DCTN6: variants seen among roughly 807,000 people sequenced by gnomAD.
DCTN6 encodes dynactin 6.
A neutral mutation model predicts 25.8 loss-of-function variants in DCTN6; 15 were observed. The observed-to-expected ratio is 0.58, with a 90% CI of 0.39 to 0.89. The LOEUF (loss-of-function observed/expected upper bound fraction) is 0.89. Ranked by LOEUF, DCTN6 falls within the 40% of genes least tolerant of loss-of-function variation. The pLI is 0.00. For synonymous variants in DCTN6, 64 were observed against 78.3 expected, an observed-to-expected ratio of 0.82 and a Z score of 0.96; for missense variants, 198 against 237.6, an observed-to-expected ratio of 0.83 and a Z score of 1.09.
chr8:30,156,478 G>A, intron 1 of DCTN6, 72 bp downstream of exon 1: 1 of 1,514,620 alleles, frequency 6.6e-7, no homozygotes, highest in East Asian at 2.4e-5. Context: ...GGTCGCCAAT[G>A]GTGGCGACTC....
chr8:30,173,532 A>C (rs566654212), intron 2 of DCTN6, among the ~76,000 whole-genome samples: 6 of 152,066 alleles, frequency 3.9e-5, no homozygotes, highest in Non-Finnish European at 8.8e-5. Flanking sequence ...CTTGAGGCCA[A>C]GTGTTCAAGA....
At chr8:30,182,982 G>C in intron 6 of DCTN6, 93 bp from the exon 7 acceptor site, 1 of 999,380 alleles carries the variant, frequency 1.0e-6, no homozygotes, top group East Asian at 2.5e-5. Flanking sequence ...CCAAAGTGCT[G>C]AGATTACAGG....
chr8:30,174,990 C>A, intron 2 of DCTN6, 95 bp from the exon 3 acceptor site: 2 of 1,111,062 alleles, frequency 1.8e-6, no homozygotes, highest in Non-Finnish European at 2.6e-6. Context: ...AGAAAATGTT[C>A]CTCCCAACAG....
At position 30,172,156 on chromosome 8, in the gene DCTN6, T is replaced by C. The variant is rs542738222; in HGVS notation, c.89-2929T>C. 5.3e-5 allele frequency among the ~76,000 whole-genome samples: 8 copies of C among 152,288 alleles called. No homozygotes were observed. In the East Asian group the frequency reaches 1.5e-3, roughly 29 times the overall value. ...CTTTAAAAGAAATCCACTGCTCATT[T>C]CCCTGTTGTTTAGGATCACAGCCCC... On this transcript the variant is annotated intron_variant, in intron 2 of 6. Coordinates refer to ENST00000221114, the MANE Select transcript of DCTN6 (RefSeq NM_006571.4).
At position 30,175,172 on chromosome 8, in the gene DCTN6, A is replaced by G. The variant is rs773706036; in HGVS notation, c.176A>G (p.Gln59Arg). ...VIGEGNLIEE[Q>R]ALIINAYPDN... ...GGCGAAGGGAACCTAATAGAAGAAC[A>G]GGCCCTTATCATAAATGCGTAAGAC... The change falls in exon 3 of 7, where the codon CAG (glutamine) becomes CGG (arginine). Residue 59 changes from glutamine (Q) to arginine (R), a missense_variant. Coordinates refer to ENST00000221114, the MANE Select transcript of DCTN6 (RefSeq NM_006571.4). 3.7e-6 allele frequency: 6 copies of G among 1,613,880 alleles called. No homozygotes were observed. In the East Asian group the frequency reaches 1.3e-4, roughly 36 times the overall value.
chr8:30,163,660 A>T, intron 1 of DCTN6, among the ~76,000 whole-genome samples: 1 of 152,068 alleles, frequency 6.6e-6, no homozygotes, highest in East Asian at 1.9e-4. Context: ...TAATGTATTA[A>T]AACCTTACCC....
chr8:30,158,047 A>G (rs1272958062), intron 1 of DCTN6, among the ~76,000 whole-genome samples: 4 of 151,874 alleles, frequency 2.6e-5, no homozygotes, highest in African/African-American at 9.7e-5. Context: ...CCACTCCGAG[A>G]TACAAGGGGT....
intron 1 of DCTN6, 21 bp from the exon 2 acceptor site, chr8:30,164,090 G>A (rs1398751932): frequency 1.2e-6 from 2 of 1,606,294 alleles, no homozygotes; most frequent in East Asian, 2.2e-5. Flanking sequence ...CCTGGTAAAT[G>A]TTACCTTTTT....
chr8:30,171,395 G>A (rs928752845), intron 2 of DCTN6, among the ~76,000 whole-genome samples: 2 of 152,022 alleles, frequency 1.3e-5, no homozygotes, highest in African/African-American at 4.8e-5. Flanking sequence ...GACCACAGGT[G>A]CACCCCACCA....
Position 30,156,415 on chromosome 8 carries a change from G to C in DCTN6, c.23+9G>C, listed in dbSNP as rs748106898. The C allele has an allele frequency of 3.7e-5, 59 of 1,602,234 alleles. No individual in the cohort carries two copies. Among genetic ancestry groups the C allele is most frequent in the Middle Eastern group, 1.7e-4 (1 of 6,046 alleles). On this transcript the variant is annotated intron_variant, in intron 1 of 6. Transcript: ENST00000221114. Reference sequence around the variant, plus strand: ...GAGAAGACTCAAAAGAGGTGGGTTTGCTGCTTGAGAAAAGCCTTTTCTCAG... The same window carrying C: ...GAGAAGACTCAAAAGAGGTGGGTTTCCTGCTTGAGAAAAGCCTTTTCTCAG...
At chr8:30,175,033 T>C (rs1803812219) in intron 2 of DCTN6, 52 bp from the exon 3 acceptor site, 2 of 1,548,766 alleles carry the variant, frequency 1.3e-6, no homozygotes, top group South Asian at 1.1e-5. Flanking sequence ...TCCACCCTTC[T>C]GTTGGAAGCA....
Position 30,175,188 on chromosome 8 carries a change from T to C in DCTN6, c.192T>C (p.Asn64=). Residue 64 remains asparagine, a splice_region_variant and synonymous_variant, in exon 3 of 7, where the codon AAT becomes AAC. Transcript: ENST00000221114. ...NLIEEQALII[N]AYPDNITPDT... is the part of the protein sequence containing the mutation. The stretch of plus-strand genomic sequence containing the variant: ...TAGAAGAACAGGCCCTTATCATAAA[T>C]GCGTAAGACTCTTATACATACTGTG... The C allele has an allele frequency of 6.2e-7, 1 of 1,612,984 alleles. No homozygotes were observed. Among genetic ancestry groups the C allele is most frequent in the Non-Finnish European group, 8.5e-7 (1 of 1,179,140 alleles).
At chr8:30,158,551 G>C (rs1803555550) in intron 1 of DCTN6, among the ~76,000 whole-genome samples, 1 of 152,044 alleles carries the variant, frequency 6.6e-6, no homozygotes, top group Non-Finnish European at 1.5e-5. Context: ...AATGAACTCT[G>C]CTCCAAGAAA....
At chr8:30,161,531 C>G (rs576829317) in intron 1 of DCTN6, among the ~76,000 whole-genome samples, 1 of 151,968 alleles carries the variant, frequency 6.6e-6, no homozygotes, top group Non-Finnish European at 1.5e-5. Context: ...AATTCAAATC[C>G]CTGGTCATGG....
chr8:30,163,659 A>G (rs1372811063), intron 1 of DCTN6, among the ~76,000 whole-genome samples: 2 of 152,032 alleles, frequency 1.3e-5, no homozygotes, highest in African/African-American at 4.8e-5. Context: ...ATAATGTATT[A>G]AAACCTTACC....
At chr8:30,179,178 G>A (rs958672892) in intron 4 of DCTN6, among the ~76,000 whole-genome samples, 7 of 152,002 alleles carry the variant, frequency 4.6e-5, no homozygotes, top group African/African-American at 1.7e-4. Context: ...AGGGTATAAG[G>A]TGCTCATTTC....
At chr8:30,182,965 G>C in intron 6 of DCTN6, 110 bp from the exon 7 acceptor site, 1 of 786,484 alleles carries the variant, frequency 1.3e-6, no homozygotes, top group Non-Finnish European at 2.2e-6. Flanking sequence ...CCTCCTGTCT[G>C]GGCCTCCCAA....
chr8:30,174,379 C>T (rs1452090121), intron 2 of DCTN6, among the ~76,000 whole-genome samples: 1 of 151,620 alleles, frequency 6.6e-6, no homozygotes, highest in Admixed American at 6.6e-5. Context: ...GTCACCCAGG[C>T]TGGAGTACAG....
chr8:30,181,103 G>T (rs542802058), intron 6 of DCTN6: 2 of 158,382 alleles, frequency 1.3e-5, no homozygotes, highest in South Asian at 4.1e-4. Context: ...CTAAAACCAA[G>T]ATTTAATTGC....
Sources: gnomAD v4.1 joint callset for allele counts (sites outside exome capture counted in the v4.1 genomes callset) on GRCh38, gnomAD v4.1.1 for gene constraint, MANE v1.5 for transcripts, NCBI Gene and HGNC (gene_info 2026-07-23, HGNC 2026-07-21) for gene names.